The following THRA variants were observed in gnomAD, a reference collection of about 807,000 sequenced individuals.
THRA encodes the protein EAR-7.
In THRA, 13 loss-of-function variants were observed where a neutral mutation model predicts 45.0. That is an observed-to-expected ratio of 0.29 (90% CI 0.19 to 0.46). THRA has a LOEUF of 0.46. THRA is among the 20% of genes least tolerant of loss of function. THRA has a pLI of 1.00. For missense variants in THRA, 278 were observed against 556.1 expected (o/e 0.50, Z 5.03); for synonymous variants, 195 against 214.0 (o/e 0.91, Z 0.78).
chr17:40,088,868 C>T (rs950301042), intron 8 of THRA, among the ~76,000 whole-genome samples: 4 of 151,612 alleles, frequency 2.6e-5, no homozygotes, highest in African/African-American at 9.7e-5. Flanking sequence ...CAGTCCCCTC[C>T]CTAACCCCAT....
chr17:40,076,227 G>A (rs1425215509), intron 2 of THRA, among the ~76,000 whole-genome samples: 1 of 152,118 alleles, frequency 6.6e-6, no homozygotes. Context: ...CTGTGCAGAG[G>A]GTGTAGTGTT....
Position 40,088,226 on chromosome 17 carries a change from C to A in THRA, c.724-16C>A. 1 of 1,570,044 alleles carries A rather than the reference C, an allele frequency of 6.4e-7. No homozygotes were observed. The highest frequency in any genetic ancestry group is 2.2e-5 in the East Asian group (1 of 44,514). On this transcript the variant is annotated splice_polypyrimidine_tract_variant and intron_variant, in intron 7 of 8. Transcript: ENST00000450525. ...AGGGGTATGCTGAGTGCTCCTGTGGCCCTGCCGCTCCACAGCTGCCTTGCG... is the reference window on the plus strand; with the variant it reads ...AGGGGTATGCTGAGTGCTCCTGTGGACCTGCCGCTCCACAGCTGCCTTGCG...
chr17:40,086,993 GACACACAC>G, intron 7 of THRA, 140 bp downstream of exon 7: 1 of 1,047,314 alleles, frequency 9.5e-7, no homozygotes, highest in Non-Finnish European at 1.4e-6. Context: ...AACATACACA[GACACACAC>G]ACACACATGC....
At chr17:40,076,017 A>T (rs1212576092) in intron 2 of THRA, among the ~76,000 whole-genome samples, 1 of 152,354 alleles carries the variant, frequency 6.6e-6, no homozygotes, top group South Asian at 2.1e-4. Flanking sequence ...CAATCCTTGC[A>T]TGCATGTAGA....
At chr17:40,082,458 C>T (rs1283454550) in intron 4 of THRA, among the ~76,000 whole-genome samples, 1 of 151,080 alleles carries the variant, frequency 6.6e-6, no homozygotes, top group African/African-American at 2.4e-5. Flanking sequence ...CGAGCTCCAC[C>T]TCCTGGGTTC....
rs562291864 is a variant in THRA, at chr17:40,084,298, C to T, written c.371-312C>T. On this transcript the variant is annotated intron_variant, in intron 5 of 8. Coordinates refer to ENST00000450525, the MANE Select transcript of THRA (RefSeq NM_199334.5). The stretch of plus-strand genomic sequence containing the variant: ...GACTCCCAGCGAAGGCACCCCACTT[C>T]TAGATGAGACAGGGCATCTTCCATT... 13 of 502,154 alleles carry T rather than the reference C, an allele frequency of 2.6e-5. No homozygotes were observed. The Admixed American group carries it at 2.8e-4, about 11-fold the overall frequency. The allele number at this position is 502,154 out of a possible 1,614,324, so 31.1% of individuals were successfully genotyped here.
chr17:40,064,862 A>AC (rs1045359706), intron 1 of THRA, among the ~76,000 whole-genome samples: 1 of 152,202 alleles, frequency 6.6e-6, no homozygotes, highest in Non-Finnish European at 1.5e-5. Flanking sequence ...GAATGAGTTC[A>AC]CAAGGCCCAG....
At position 40,077,028 on chromosome 17, in the gene THRA, T is replaced by G. The variant is rs568279073; in HGVS notation, c.121+90T>G. The G allele has an allele frequency of 2.5e-5, 33 of 1,337,852 alleles. No homozygotes were observed. In the African/African-American group the frequency reaches 3.9e-4, roughly 16 times the overall value. 82.9% of individuals were successfully genotyped at this position (1,337,852 alleles called of 1,614,324 possible). ...TCTGGACCTGGATGTGGAACAGTAA[T>G]TCATGTGTTCCCTGGGGGGAGCCTC... On this transcript the variant is annotated intron_variant, in intron 3 of 8. Transcript: ENST00000450525.
chr17:40,084,756 G>A lies in THRA; in HGVS notation c.517G>A (p.Glu173Lys). 6.2e-7 allele frequency: 1 copy of A among 1,614,148 alleles called. No homozygotes were observed. Among genetic ancestry groups the A allele is most frequent in the Admixed American group, 1.7e-5 (1 of 60,026 alleles). Residue 173 changes from glutamate (E) to lysine (K), a missense_variant, in exon 6 of 9, where the codon GAG becomes AAG. Glu to Lys is a moderately conservative substitution (Grantham distance 56). Around this residue, in one of 6 missense-constraint regions of THRA, gnomAD observed 111 missense variants for 167.1 expected, o/e 0.66. Transcript: ENST00000450525. ...GTGGGATCTGATCCACATTGCCACAGAGGCCCATCGCAGCACCAATGCCCA... is the reference window on the plus strand; with the variant it reads ...GTGGGATCTGATCCACATTGCCACAAAGGCCCATCGCAGCACCAATGCCCA... ...EEWDLIHIATEAHRSTNAQGS... is the reference protein window; with the variant it reads ...EEWDLIHIATKAHRSTNAQGS...
chr17:40,089,334 G>A lies in THRA; in HGVS notation c.1111G>A (p.Val371Met). Reference sequence around the variant, plus strand: ...CTTCTGGCCCAAGCTGCTGATGAAGGTGACTGACCTCCGCATGATCGGGGC... The same window carrying A: ...CTTCTGGCCCAAGCTGCTGATGAAGATGACTGACCTCCGCATGATCGGGGC... ...PHFWPKLLMKVTDLRMIGACH... is the reference protein window; with the variant it reads ...PHFWPKLLMKMTDLRMIGACH... Residue 371 changes from valine (V) to methionine (M), a missense_variant, in exon 9 of 9, where the codon GTG (valine) becomes ATG (methionine). This residue lies in a region of THRA where 66 missense variants were observed against 94.7 expected (regional missense o/e 0.70). Transcript: ENST00000450525. This position sits in a 1 kb window ranked among gnomAD's most constrained non-coding sequence, Gnocchi z 6.1. 6.2e-7 allele frequency: 1 copy of A among 1,614,136 alleles called. No homozygotes were observed. The highest frequency in any genetic ancestry group is 8.5e-7 in the Non-Finnish European group (1 of 1,180,038).
chr17:40,087,153 A>AAC (rs1199684091), intron 7 of THRA, among the ~76,000 whole-genome samples: 1 of 147,044 alleles, frequency 6.8e-6, no homozygotes, highest in Non-Finnish European at 1.5e-5. Context: ...CTAGTACACA[A>AAC]ACACACACAC....
At chr17:40,070,949 A>G (rs1481030501) in intron 1 of THRA, among the ~76,000 whole-genome samples, 1 of 138,508 alleles carries the variant, frequency 7.2e-6, no homozygotes, top group Non-Finnish European at 1.6e-5. Flanking sequence ...CCTCCTTTCT[A>G]CCTCACCCCT....
intron 1 of THRA, among the ~76,000 whole-genome samples, chr17:40,066,616 A>G (rs1986575374): frequency 6.9e-6 from 1 of 145,778 alleles, no homozygotes; most frequent in Non-Finnish European, 1.5e-5. Context: ...GTGAGCTGAG[A>G]TTGTACCACT....
At chr17:40,093,766 G>A (rs565582512), downstream of THRA, 2 of 718,866 alleles carry the variant, frequency 2.8e-6, no homozygotes, top group Non-Finnish European at 2.3e-6. This position sits in a 1 kb window ranked among gnomAD's most constrained non-coding sequence, Gnocchi z 5.9. Flanking sequence ...GCATGAGTCT[G>A]TTTCCCAAGC....
downstream of THRA, chr17:40,093,803 T>C: frequency 2.2e-6 from 2 of 929,116 alleles, no homozygotes; most frequent in East Asian, 5.1e-5. This position sits in a 1 kb window ranked among gnomAD's most constrained non-coding sequence, Gnocchi z 5.9. Flanking sequence ...CATGTCTGTA[T>C]CCCCAGTGCC....
chr17:40,066,663 C>CAAA (rs553082902), intron 1 of THRA, among the ~76,000 whole-genome samples: 9 of 49,476 alleles, frequency 1.8e-4, no homozygotes, highest in Non-Finnish European at 2.8e-4. Flanking sequence ...GACTCCGTCT[C>CAAA]AAAAAAAAAA....
intron 1 of THRA, among the ~76,000 whole-genome samples, chr17:40,072,547 G>T (rs1598390206): frequency 6.6e-6 from 1 of 151,634 alleles, no homozygotes; most frequent in East Asian, 1.9e-4. Context: ...GCACAGCCTG[G>T]GGGGCAGACG....
In THRA at chr17:40,082,758, C is replaced by CCTTTTTTTTTTTTTTTTTTT. The variant is rs1389256940; in HGVS notation, c.223-1077_223-1076insCTTTTTTTTTTTTTTTTTTT. On this transcript the variant is annotated intron_variant, in intron 4 of 8. Transcript: ENST00000450525. ...AACTGCTACACTATAGAATCGCATG[C>CCTTTTTTTTTTTTTTTTTTT]TTTTTTTTTTTTTTTTTTTTTTTTT... 4.4e-5 allele frequency among the ~76,000 whole-genome samples: 3 copies of CCTTTTTTTTTTTTTTTTTTT among 67,516 alleles called. 1 individual carries two copies. Among genetic ancestry groups the CCTTTTTTTTTTTTTTTTTTT allele is most frequent in the Non-Finnish European group, 2.9e-5 (1 of 34,868 alleles). The allele number at this position is 67,516 out of a possible 152,430, so 44.3% of individuals were successfully genotyped here. A position where few individuals can be genotyped will look rare whatever the true frequency, so the allele number is the denominator to read the frequency against.
chr17:40,063,318 G>A (rs959279842), intron 1 of THRA, among the ~76,000 whole-genome samples: 2 of 152,210 alleles, frequency 1.3e-5, no homozygotes, highest in Admixed American at 1.3e-4. Context: ...GCTGGGCCCC[G>A]GGGTTCGCAG....
Sources: gnomAD v4.1 joint callset for allele counts (sites outside exome capture counted in the v4.1 genomes callset) on GRCh38, gnomAD v4.1.1 for gene constraint, gnomAD v4.1.1 regional missense constraint, Gnocchi (gnomAD v3.1) non-coding constraint, MANE v1.5 for transcripts, NCBI Gene and HGNC (gene_info 2026-07-23, HGNC 2026-07-21) for gene names.